AFAP1L2: variants seen among roughly 807,000 people sequenced by gnomAD.
AFAP1L2 encodes actin filament-associated protein 1-like 2.
In AFAP1L2, 46 loss-of-function variants were observed where a neutral mutation model predicts 99.3. The ratio of observed to expected loss-of-function variants is 0.46; its 90% CI spans 0.37 to 0.59. AFAP1L2 has a LOEUF of 0.59. Among genes scored for constraint, AFAP1L2 ranks in the 20% least tolerant of loss-of-function variants. The pLI is 0.00. For synonymous variants in AFAP1L2, 397 were observed against 419.1 expected, an observed-to-expected ratio of 0.95 and a Z score of 0.64; for missense variants, 959 against 1,034.9, an observed-to-expected ratio of 0.93 and a Z score of 1.01.
At position 114,295,970 on chromosome 10, in the gene AFAP1L2, TTTTGC is replaced by T; in HGVS notation, c.*67_*71del. On this transcript the variant is annotated 3_prime_UTR_variant, in exon 19 of 19. Transcript: ENST00000304129. ...AAACAGACTCACCCTTTCGCATAGT[TTTTGC>T]TTTAACAAAGCAGGATTGTCACCAA... The T allele has an allele frequency of 6.2e-7, 1 of 1,613,248 alleles. No homozygotes were observed. Among genetic ancestry groups the T allele is most frequent in the Non-Finnish European group, 8.5e-7 (1 of 1,179,416 alleles).
chr10:114,349,400 A>G lies in AFAP1L2; in HGVS notation c.17-8669T>C, dbSNP rs1367352286. Among the ~76,000 whole-genome samples the G allele has an allele frequency of 1.2e-4, 13 of 108,234 alleles. No homozygotes were observed. The East Asian group carries it at 1.6e-3, about 14-fold the overall frequency. 71.0% of individuals were successfully genotyped at this position (108,234 alleles called of 152,430 possible). A position where few individuals can be genotyped will look rare whatever the true frequency, so the allele number is the denominator to read the frequency against. ...CTCGGTCTCAAAAAAAAAAAAAAAA[A>G]AAAGAAAAGAAAAGAGAAACAAAAA... is the stretch of plus-strand genomic sequence containing the variant. On this transcript the variant is annotated intron_variant, in intron 1 of 18. Coordinates refer to ENST00000304129, the MANE Select transcript of AFAP1L2 (RefSeq NM_001001936.3).
intron 10 of AFAP1L2, 147 bp downstream of exon 10, chr10:114,307,658 C>T (rs1419699829): frequency 2.6e-5 from 17 of 657,182 alleles, no homozygotes; most frequent in African/African-American, 7.3e-5. Context: ...TAACAACAGA[C>T]GGGAACCTGA....
At chr10:114,353,076 T>C (rs1461726604) in intron 1 of AFAP1L2, among the ~76,000 whole-genome samples, 1 of 152,194 alleles carries the variant, frequency 6.6e-6, no homozygotes, top group Admixed American at 6.5e-5. Flanking sequence ...TCAGAGCATT[T>C]CATTCCCCAG....
intron 7 of AFAP1L2, 145 bp from the exon 8 acceptor site, chr10:114,310,588 G>A (rs1374442139): frequency 8.6e-6 from 6 of 700,040 alleles, no homozygotes; most frequent in South Asian, 8.4e-5. Flanking sequence ...GGACCCACCC[G>A]ACCCCAGCCC....
In AFAP1L2 at chr10:114,297,097, T is replaced by G; in HGVS notation, c.2311A>C (p.Lys771Gln). 1 of 1,614,092 alleles carries G rather than the reference T, an allele frequency of 6.2e-7. No individual in the cohort carries two copies. Among genetic ancestry groups the G allele is most frequent in the Non-Finnish European group, 8.5e-7 (1 of 1,180,014 alleles). ...GGGGCAGAGGCAGGTGTGACAGCTTTGGGCTGTGGTTATAGGAGGAGAGCA... is the reference window on the plus strand; with the variant it reads ...GGGGCAGAGGCAGGTGTGACAGCTTGGGGCTGTGGTTATAGGAGGAGAGCA... ...THLENVSPRP[K>Q]AVTPASAPDC... Residue 771 changes from lysine to glutamine, a missense_variant, in exon 18 of 19, where the codon AAA becomes CAA. This residue lies in a region of AFAP1L2 where 576 missense variants were observed against 562.1 expected (regional missense o/e 1.02). Coordinates refer to ENST00000304129, the MANE Select transcript of AFAP1L2 (RefSeq NM_001001936.3).
chr10:114,288,977 A>G, the AFAP1L2 span: 1 of 1,613,620 alleles, frequency 6.2e-7, no homozygotes, highest in Non-Finnish European at 8.5e-7. Flanking sequence ...TTCATGTTGG[A>G]CACCTCTGCC....
In AFAP1L2 at chr10:114,340,894, T is replaced by C. The variant is rs541593992; in HGVS notation, c.17-163A>G. 4.4e-5 allele frequency: 42 copies of C among 953,032 alleles called. No individual in the cohort carries two copies. The East Asian group carries it at 9.9e-4, about 23-fold the overall frequency. The allele number at this position is 953,032 out of a possible 1,614,324, so 59.0% of individuals were successfully genotyped here. On this transcript the variant is annotated intron_variant, in intron 1 of 18. Coordinates refer to ENST00000304129, the MANE Select transcript of AFAP1L2 (RefSeq NM_001001936.3). ...GCGTATGGGGGGACTGGGCAGAAGA[T>C]GGGATTCTCAGCTCCAGGGCCACAG...
At chr10:114,286,975 C>G in the AFAP1L2 span, among the ~76,000 whole-genome samples, 3 of 152,194 alleles carry the variant, frequency 2.0e-5, no homozygotes, top group Admixed American at 2.0e-4. Flanking sequence ...TGCACACGCG[C>G]TGGTGCAGCC....
At chr10:114,378,320 C>T (rs948130127) in intron 1 of AFAP1L2, among the ~76,000 whole-genome samples, 2 of 152,144 alleles carry the variant, frequency 1.3e-5, no homozygotes, top group Admixed American at 1.3e-4. Flanking sequence ...ATACCCATAC[C>T]TTATTATTCT....
downstream of AFAP1L2, among the ~76,000 whole-genome samples, chr10:114,293,550 A>G (rs1349629251): frequency 1.3e-5 from 2 of 152,214 alleles, no homozygotes; most frequent in African/African-American, 2.4e-5. Flanking sequence ...CCCCCAGGAA[A>G]GTGCTATCCT....
chr10:114,348,577 G>T (rs552645694), intron 1 of AFAP1L2, among the ~76,000 whole-genome samples: 1 of 152,364 alleles, frequency 6.6e-6, no homozygotes, highest in Non-Finnish European at 1.5e-5. Flanking sequence ...CAGAACAGCA[G>T]TTCCTGCTTT....
intron 1 of AFAP1L2, among the ~76,000 whole-genome samples, chr10:114,384,099 C>T (rs976872025): frequency 6.6e-6 from 1 of 152,162 alleles, no homozygotes; most frequent in Non-Finnish European, 1.5e-5. Flanking sequence ...ACCCCATGAT[C>T]CAGTGACAAC....
chr10:114,394,127 C>A (rs1251969226), intron 1 of AFAP1L2, among the ~76,000 whole-genome samples: 1 of 152,202 alleles, frequency 6.6e-6, no homozygotes, highest in African/African-American at 2.4e-5. Context: ...GTGACACTAA[C>A]CTGCACTGTG....
intron 4 of AFAP1L2, among the ~76,000 whole-genome samples, chr10:114,328,528 G>A (rs2046756368): frequency 6.6e-6 from 1 of 152,174 alleles, no homozygotes; most frequent in South Asian, 2.1e-4. Flanking sequence ...AGCCTGAGCT[G>A]GACAGTGACT....
chr10:114,306,164 T>G (rs1276882049), intron 10 of AFAP1L2, among the ~76,000 whole-genome samples: 20 of 32,926 alleles, frequency 6.1e-4, no homozygotes, highest in Admixed American at 8.3e-4. Flanking sequence ...CAGGACGGGA[T>G]GGGGCTGCAG....
In AFAP1L2 at chr10:114,300,201, G is replaced by C. The variant is rs1386223989; in HGVS notation, c.1950C>G (p.Thr650=). 6.2e-7 allele frequency: 1 copy of C among 1,614,178 alleles called. No individual in the cohort carries two copies. Among genetic ancestry groups the C allele is most frequent in the Admixed American group, 1.7e-5 (1 of 60,020 alleles). ...SPPVKDRLRV[T]SAEIKLGKNR... ...TTCCCCAAGCACAAGTACCTGCACTGGTCACGCGCAACCTGTCCTTCACAG... is the reference window on the plus strand; with the variant it reads ...TTCCCCAAGCACAAGTACCTGCACTCGTCACGCGCAACCTGTCCTTCACAG... The change falls in exon 15 of 19, where the codon ACC becomes ACG. Residue 650 remains threonine (T), a synonymous_variant. Coordinates refer to ENST00000304129, the MANE Select transcript of AFAP1L2 (RefSeq NM_001001936.3).
intron 1 of AFAP1L2, among the ~76,000 whole-genome samples, chr10:114,396,501 T>C (rs975839028): frequency 1.3e-5 from 2 of 152,218 alleles, no homozygotes; most frequent in African/African-American, 4.8e-5. Flanking sequence ...TTACATCAAA[T>C]GCGACTGGGT....
At chr10:114,374,892 C>T (rs373757800) in intron 1 of AFAP1L2, among the ~76,000 whole-genome samples, 8 of 151,688 alleles carry the variant, frequency 5.3e-5, no homozygotes, top group African/African-American at 1.2e-4. Context: ...CTTAGGGCCA[C>T]GGAACAGGGG....
intron 1 of AFAP1L2, chr10:114,398,778 C>T: frequency 7.9e-7 from 1 of 1,271,756 alleles, no homozygotes; most frequent in Non-Finnish European, 1.0e-6. Flanking sequence ...ATGGGCAGAG[C>T]CAGGTCTGCA....
Sources: gnomAD v4.1 joint callset for allele counts (sites outside exome capture counted in the v4.1 genomes callset) on GRCh38, gnomAD v4.1.1 for gene constraint, gnomAD v4.1.1 regional missense constraint, MANE v1.5 for transcripts, NCBI Gene and HGNC (gene_info 2026-07-23, HGNC 2026-07-21) for gene names.